The following SENP6 variants were observed in gnomAD, a reference collection of about 807,000 sequenced individuals.
SENP6 encodes the protein SUMO specific peptidase 6.
SENP6 carries 41 observed loss-of-function variants against 134.5 expected under a neutral mutation model. That is an observed-to-expected ratio of 0.30 (90% CI 0.24 to 0.40). The LOEUF (loss-of-function observed/expected upper bound fraction) is 0.40, where lower values mean the gene tolerates loss of function less well. Among genes scored for constraint, SENP6 ranks in the 10% least tolerant of loss-of-function variants. The pLI is 1.00. For missense variants in SENP6, 1,248 were observed against 1,312.5 expected (o/e 0.95, Z 0.76); for synonymous variants, 395 against 429.8 (o/e 0.92, Z 1.00).
intron 2 of SENP6, chr6:75,622,732 T>C: frequency 8.3e-7 from 1 of 1,201,904 alleles, no homozygotes; most frequent in South Asian, 1.3e-5. Context: ...ATTCAGAATA[T>C]ATTGGCTAAA....
chr6:75,686,287 C>G (rs187599802), intron 16 of SENP6, among the ~76,000 whole-genome samples: 21 of 152,174 alleles, frequency 1.4e-4, no homozygotes, highest in Admixed American at 1.1e-3. Context: ...GCCTGTGTGT[C>G]TCTCTGCATG....
In SENP6 at chr6:75,622,658, A is replaced by G. The variant is rs574048343; in HGVS notation, c.146+1033A>G. 2.7e-4 allele frequency: 141 copies of G among 522,070 alleles called. No individual in the cohort carries two copies. The African/African-American group carries it at 2.7e-3, about 10-fold the overall frequency. The allele number at this position is 522,070 out of a possible 1,614,324, so 32.3% of individuals were successfully genotyped here. On this transcript the variant is annotated intron_variant, in intron 2 of 23. Coordinates refer to ENST00000447266, the MANE Select transcript of SENP6 (RefSeq NM_015571.4). ...ATAAACAACAAATTCAGAGATCCACAAATATACACACAAAGTTCTACCAAA... is the reference window on the plus strand; with the variant it reads ...ATAAACAACAAATTCAGAGATCCACGAATATACACACAAAGTTCTACCAAA...
At chr6:75,649,001 T>G (rs1770660654) in intron 7 of SENP6, among the ~76,000 whole-genome samples, 2 of 152,128 alleles carry the variant, frequency 1.3e-5, no homozygotes, top group African/African-American at 4.8e-5. Flanking sequence ...AAGGTATTAT[T>G]TTTATTTTAA....
chr6:75,671,886 G>A (rs1425055902), intron 11 of SENP6, among the ~76,000 whole-genome samples: 2 of 152,116 alleles, frequency 1.3e-5, no homozygotes, highest in African/African-American at 4.8e-5. Context: ...AAAATGAAAT[G>A]TGAACCTGAT....
intron 16 of SENP6, 80 bp from the exon 17 acceptor site, chr6:75,695,724 G>A (rs1376610206): frequency 8.4e-7 from 1 of 1,192,994 alleles, no homozygotes. Context: ...GCAACAGAGT[G>A]AGACTCTGTC....
intron 8 of SENP6, among the ~76,000 whole-genome samples, chr6:75,661,651 T>G (rs899719796): frequency 6.6e-6 from 1 of 152,264 alleles, no homozygotes; most frequent in Admixed American, 6.5e-5. Flanking sequence ...GATAAAGAAT[T>G]GTAGCCAGCC....
rs1771589112 is a variant in SENP6 at position 75,659,249 on chromosome 6, CTCCT to C, written c.551-7_551-4del. On this transcript the variant is annotated splice_polypyrimidine_tract_variant and intron_variant, in intron 7 of 23. Coordinates refer to ENST00000447266, the MANE Select transcript of SENP6 (RefSeq NM_015571.4). The stretch of plus-strand genomic sequence containing the variant: ...ACTAAAACTTAAAGTTTATTTTTTT[CTCCT>C]TCCTTTAGAACGTATAATGAAGAAA... The C allele has an allele frequency of 6.4e-7, 1 of 1,568,830 alleles. No homozygotes were observed. Among genetic ancestry groups the C allele is most frequent in the Non-Finnish European group, 8.6e-7 (1 of 1,163,194 alleles).
chr6:75,715,590 A>C lies in SENP6; in HGVS notation c.3335A>C (p.Asp1112Ala). The change falls in exon 24 of 24, where the codon GAT becomes GCT. Residue 1112 changes from aspartate (D) to alanine (A), a missense_variant. By Grantham distance (126) the Asp-to-Ala change is moderately radical. This residue lies in a region of SENP6 where 386 missense variants were observed against 395.0 expected (regional missense o/e 0.98). Transcript: ENST00000447266. The part of the protein sequence containing the change: ...GTEQYVNSIS[D>A] ...GAACAATATGTCAATAGTATCTCAGATTGACCATTTCTGTTACTTGTCATT... is the reference window on the plus strand; with the variant it reads ...GAACAATATGTCAATAGTATCTCAGCTTGACCATTTCTGTTACTTGTCATT... 2 of 1,604,458 alleles carry C rather than the reference A, an allele frequency of 1.2e-6. No individual in the cohort carries two copies. The highest frequency in any genetic ancestry group is 1.7e-6 in the Non-Finnish European group (2 of 1,174,606).
At chr6:75,709,151 G>T (rs1397579809) in intron 19 of SENP6, among the ~76,000 whole-genome samples, 1 of 151,906 alleles carries the variant, frequency 6.6e-6, no homozygotes, top group Admixed American at 6.6e-5. Context: ...TCTGTTATTG[G>T]ACATAGGTTA....
intron 9 of SENP6, among the ~76,000 whole-genome samples, chr6:75,664,169 G>A (rs1167751762): frequency 1.3e-5 from 2 of 151,786 alleles, no homozygotes; most frequent in African/African-American, 4.8e-5. Context: ...GGGCACAGTG[G>A]TGTCCCAACT....
At chr6:75,696,151 T>A (rs1277085241) in intron 17 of SENP6, among the ~76,000 whole-genome samples, 2 of 152,242 alleles carry the variant, frequency 1.3e-5, no homozygotes, top group Non-Finnish European at 2.9e-5. Flanking sequence ...GAATTTTTTT[T>A]AACAACTTAT....
intron 5 of SENP6, among the ~76,000 whole-genome samples, chr6:75,640,128 C>T (rs1245068799): frequency 6.6e-6 from 1 of 152,110 alleles, no homozygotes; most frequent in African/African-American, 2.4e-5. Flanking sequence ...TGGCATTAAA[C>T]ATGAAAGGAC....
chr6:75,704,260 G>T (rs1233815280), intron 19 of SENP6, among the ~76,000 whole-genome samples: 1 of 152,184 alleles, frequency 6.6e-6, no homozygotes. Context: ...TGTTTTGGTT[G>T]ATTACTATTT....
chr6:75,680,822 A>G (rs150480741), intron 16 of SENP6, among the ~76,000 whole-genome samples: 306 of 152,288 alleles, frequency 2.0e-3, no homozygotes, highest in Admixed American at 3.9e-3. Flanking sequence ...AGTAGAGAAC[A>G]TGTACTTTTA....
At chr6:75,687,302 C>T (rs1035027387) in intron 16 of SENP6, among the ~76,000 whole-genome samples, 3 of 152,128 alleles carry the variant, frequency 2.0e-5, no homozygotes, top group Admixed American at 6.6e-5. Flanking sequence ...TTCATCTAAT[C>T]TTTTTTCATG....
chr6:75,701,633 CTTTTTT>C (rs60715314), intron 18 of SENP6, among the ~76,000 whole-genome samples: 4 of 80,140 alleles, frequency 5.0e-5, no homozygotes, highest in Admixed American at 1.9e-4. Context: ...ACAGTTTAAT[CTTTTTT>C]TTTTTTTTTT....
intron 11 of SENP6, among the ~76,000 whole-genome samples, chr6:75,673,496 G>A (rs1409434676): frequency 6.6e-6 from 1 of 151,212 alleles, no homozygotes; most frequent in Non-Finnish European, 1.5e-5. Context: ...GCTAATTTTT[G>A]TATTTTTAGT....
chr6:75,622,876 A>G, intron 2 of SENP6: 1 of 1,135,164 alleles, frequency 8.8e-7, no homozygotes, highest in Non-Finnish European at 1.2e-6. Flanking sequence ...TCTCATTTAA[A>G]GTCAGTATTT....
At chr6:75,708,424 AAAAT>A (rs981031775) in intron 19 of SENP6, among the ~76,000 whole-genome samples, 5 of 152,160 alleles carry the variant, frequency 3.3e-5, no homozygotes, top group African/African-American at 7.2e-5. Flanking sequence ...TTTTGAGAGG[AAAAT>A]AAATAAATAA....
Sources: allele counts gnomAD v4.1 joint callset (sites outside exome capture counted in the v4.1 genomes callset), GRCh38; gene constraint gnomAD v4.1.1; regional missense constraint gnomAD v4.1.1; transcripts MANE v1.5; gene names NCBI Gene and HGNC (gene_info 2026-07-23, HGNC 2026-07-21).